Variants in ZFHX3 observed in about 807,000 individuals in gnomAD.
ZFHX3 encodes the protein zinc finger homeobox protein 3.
ZFHX3 carries 42 observed loss-of-function variants against 279.1 expected under a neutral mutation model. That is an observed-to-expected ratio of 0.15 (90% CI 0.12 to 0.19). ZFHX3 has a LOEUF of 0.19. Ranked by LOEUF, ZFHX3 falls within the 10% of genes least tolerant of loss-of-function variation. The probability of loss-of-function intolerance (pLI) is 1.00; values close to 1 mark genes in which losing one functional copy is unlikely to be tolerated. For missense variants in ZFHX3, 4,981 were observed against 4,754.0 expected, an observed-to-expected ratio of 1.05 and a Z score of -1.40; for synonymous variants, 2,293 against 1,957.8, an observed-to-expected ratio of 1.17 and a Z score of -4.52.
intron 4 of ZFHX3, among the ~76,000 whole-genome samples, chr16:72,831,955 A>C (rs1366447655): frequency 6.6e-6 from 1 of 152,216 alleles, no homozygotes; most frequent in African/African-American, 2.4e-5. Context: ...AAAAATTTGC[A>C]ATCTCCAGCA....
At chr16:73,795,708 A>G (rs1476218491) in intron 1 of ZFHX3, among the ~76,000 whole-genome samples, 2 of 152,162 alleles carry the variant, frequency 1.3e-5, no homozygotes, top group Non-Finnish European at 2.9e-5. Flanking sequence ...TTTGACATTG[A>G]TCATCAATCC....
intron 1 of ZFHX3, among the ~76,000 whole-genome samples, chr16:73,878,940 G>GATATATATATATATATATATAT (rs3082335): frequency 6.4e-5 from 9 of 141,040 alleles, no homozygotes; most frequent in African/African-American, 2.3e-4. Flanking sequence ...AAAAAGATAA[G>GATATATATATATATATATATAT]ATATATATAT....
chr16:73,817,804 G>T (rs900023749), intron 1 of ZFHX3, among the ~76,000 whole-genome samples: 1 of 152,102 alleles, frequency 6.6e-6, no homozygotes, highest in Non-Finnish European at 1.5e-5. Flanking sequence ...AGTTCACCTC[G>T]CTCTTACTTG....
At chr16:73,277,070 A>G (rs533398716) in intron 4 of ZFHX3, among the ~76,000 whole-genome samples, 1 of 152,290 alleles carries the variant, frequency 6.6e-6, no homozygotes, top group Admixed American at 6.5e-5. Context: ...TTTTCATTAA[A>G]CGTACTGGCA....
At chr16:73,605,758 T>TAAA (rs1042729460) in intron 2 of ZFHX3, among the ~76,000 whole-genome samples, 2 of 152,002 alleles carry the variant, frequency 1.3e-5, no homozygotes, top group African/African-American at 4.8e-5. Context: ...GAACAGACAG[T>TAAA]AAATACCTGG....
chr16:73,793,843 C>T (rs1242138736), intron 1 of ZFHX3, among the ~76,000 whole-genome samples: 1 of 152,128 alleles, frequency 6.6e-6, no homozygotes, highest in Non-Finnish European at 1.5e-5. Context: ...AAAGGGGATA[C>T]TGTACCTTTA....
chr16:73,162,742 C>T (rs1255162450), intron 5 of ZFHX3, among the ~76,000 whole-genome samples: 2 of 152,148 alleles, frequency 1.3e-5, no homozygotes, highest in Admixed American at 1.3e-4. Flanking sequence ...GGATTACAGG[C>T]TTAACCACTC....
chr16:73,605,705 G>A (rs762708587), intron 2 of ZFHX3, among the ~76,000 whole-genome samples: 4 of 152,000 alleles, frequency 2.6e-5, no homozygotes, highest in Non-Finnish European at 4.4e-5. Flanking sequence ...TGGGGGGCTG[G>A]AGAGAAAGAA....
At chr16:73,610,750 A>G (rs2052236754) in intron 2 of ZFHX3, among the ~76,000 whole-genome samples, 1 of 152,248 alleles carries the variant, frequency 6.6e-6, no homozygotes, top group South Asian at 2.1e-4. Flanking sequence ...ATTGTTACAT[A>G]TCTTAGCAAG....
intron 1 of ZFHX3, among the ~76,000 whole-genome samples, chr16:72,976,221 T>A (rs1017615991): frequency 3.9e-5 from 6 of 152,230 alleles, no homozygotes; most frequent in African/African-American, 1.4e-4. Flanking sequence ...CCACCAAAAC[T>A]TCCAGCCAGC....
chr16:72,889,623 G>C (rs2038720003), intron 4 of ZFHX3, 108 bp downstream of exon 4: 2 of 1,046,424 alleles, frequency 1.9e-6, no homozygotes, highest in African/African-American at 1.6e-5. Context: ...GGAACATGAG[G>C]ACCAGCTGGA....
At chr16:73,202,944 A>C (rs1447140851) in intron 5 of ZFHX3, among the ~76,000 whole-genome samples, 1 of 114,588 alleles carries the variant, frequency 8.7e-6, no homozygotes, top group African/African-American at 3.1e-5. Flanking sequence ...ACGCCTTGAC[A>C]TAACTTTTTT....
chr16:73,170,049 A>C (rs1043420670), intron 5 of ZFHX3, among the ~76,000 whole-genome samples: 6 of 151,954 alleles, frequency 3.9e-5, no homozygotes, highest in African/African-American at 1.5e-4. Context: ...CATTCTGTTC[A>C]ATACTCAATA....
At chr16:73,189,883 C>T (rs1296067916) in intron 5 of ZFHX3, among the ~76,000 whole-genome samples, 1 of 151,988 alleles carries the variant, frequency 6.6e-6, no homozygotes, top group East Asian at 1.9e-4. Context: ...CACCTGAGCC[C>T]AGGAGTTCAA....
intron 3 of ZFHX3, among the ~76,000 whole-genome samples, chr16:72,943,940 C>A (rs1000885806): frequency 2.6e-5 from 4 of 152,106 alleles, no homozygotes; most frequent in African/African-American, 9.7e-5. Context: ...ATGTACTGAC[C>A]TAAAATGATT....
chr16:72,958,814 C>G lies in ZFHX3; in HGVS notation c.1332G>C (p.Gln444His), dbSNP rs769887405. The G allele has an allele frequency of 6.2e-7, 1 of 1,614,166 alleles. No homozygotes were observed. Among genetic ancestry groups the G allele is most frequent in the South Asian group, 1.1e-5 (1 of 91,068 alleles). ...KDSGAAEGEK[Q>H]EVGDGDCFSE... ...AGAAGCAATCCCCGTCGCCCACTTCCTGCTTCTCTCCTTCTGCCGCCCCAG... is the reference window on the plus strand; with the variant it reads ...AGAAGCAATCCCCGTCGCCCACTTCGTGCTTCTCTCCTTCTGCCGCCCCAG... The change falls in exon 2 of 10, where the codon CAG (glutamine) becomes CAC (histidine). Residue 444 changes from glutamine (Q) to histidine (H), a missense_variant. Gln to His is a conservative substitution (Grantham distance 24, BLOSUM62 0). Around this residue, in one of 7 missense-constraint regions of ZFHX3, gnomAD observed 1,068 missense variants for 935.2 expected, o/e 1.14. Transcript: ENST00000268489.
chr16:73,161,408 A>G (rs1017071197), intron 5 of ZFHX3, among the ~76,000 whole-genome samples: 2 of 152,156 alleles, frequency 1.3e-5, no homozygotes, highest in Non-Finnish European at 2.9e-5. Flanking sequence ...ACGGTTATTG[A>G]TCACATTCCA....
At chr16:72,897,349 G>C (rs887668899) in intron 3 of ZFHX3, among the ~76,000 whole-genome samples, 3 of 152,184 alleles carry the variant, frequency 2.0e-5, no homozygotes, top group Non-Finnish European at 2.9e-5. Context: ...TCCTCAACTT[G>C]ATAAGATGAA....
chr16:73,593,165 T>C (rs563329604), intron 2 of ZFHX3, among the ~76,000 whole-genome samples: 1 of 152,260 alleles, frequency 6.6e-6, no homozygotes, highest in South Asian at 2.1e-4. Flanking sequence ...AAGGCTTCAA[T>C]GGCTTCACCA....
Sources: allele counts gnomAD v4.1 joint callset (sites outside exome capture counted in the v4.1 genomes callset), GRCh38; gene constraint gnomAD v4.1.1; regional missense constraint gnomAD v4.1.1; transcripts MANE v1.5; gene names NCBI Gene and HGNC (gene_info 2026-07-23, HGNC 2026-07-21).